GLIS3: variants seen among roughly 807,000 people sequenced by gnomAD.
The protein encoded by GLIS3 is GLIS family zinc finger 3.
A neutral mutation model predicts 78.6 loss-of-function variants in GLIS3; 53 were observed. That is an observed-to-expected ratio of 0.67 (90% CI 0.54 to 0.85). The LOEUF (loss-of-function observed/expected upper bound fraction) is 0.85, where lower values mean the gene tolerates loss of function less well. Among genes scored for constraint, GLIS3 ranks in the 40% least tolerant of loss-of-function variants. The pLI is 0.00. For missense variants in GLIS3, 1,703 were observed against 1,231.1 expected, an observed-to-expected ratio of 1.38 and a Z score of -5.74; for synonymous variants, 684 against 509.9, an observed-to-expected ratio of 1.34 and a Z score of -4.60.
chr9:4,169,120 T>G (rs1016529772), intron 2 of GLIS3, among the ~76,000 whole-genome samples: 7 of 152,206 alleles, frequency 4.6e-5, no homozygotes, highest in Admixed American at 3.9e-4. Flanking sequence ...ACCTAGTTAA[T>G]TGTTGGTCAA....
At chr9:3,938,244 C>A (rs1358834654) in intron 4 of GLIS3, among the ~76,000 whole-genome samples, 1 of 152,000 alleles carries the variant, frequency 6.6e-6, no homozygotes, top group African/African-American at 2.4e-5. Flanking sequence ...ATACGGAACA[C>A]CTACTGGAAA....
chr9:3,900,493 A>C (rs1823212505), intron 6 of GLIS3, among the ~76,000 whole-genome samples: 1 of 151,584 alleles, frequency 6.6e-6, no homozygotes, highest in African/African-American at 2.4e-5. Flanking sequence ...TACCCCCCCC[A>C]AAATATACAC....
At chr9:4,300,084 G>A (rs542729320), upstream of GLIS3, among the ~76,000 whole-genome samples, 23 of 151,524 alleles carry the variant, frequency 1.5e-4, 1 homozygote, top group African/African-American at 5.1e-4. Flanking sequence ...CGCGAGGGCC[G>A]GCCTGTAGCC....
chr9:4,296,866 T>C (rs1816561800), intron 1 of GLIS3, among the ~76,000 whole-genome samples: 1 of 143,266 alleles, frequency 7.0e-6, no homozygotes, highest in African/African-American at 2.6e-5. Flanking sequence ...GCAGTACGGT[T>C]ATAGATGATC....
At chr9:3,972,985 G>T (rs971241989) in intron 4 of GLIS3, among the ~76,000 whole-genome samples, 1 of 152,082 alleles carries the variant, frequency 6.6e-6, no homozygotes, top group African/African-American at 2.4e-5. Context: ...GACACCACCT[G>T]TAAGTCTATG....
At chr9:3,889,916 A>C (rs1822317232) in intron 7 of GLIS3, among the ~76,000 whole-genome samples, 1 of 152,232 alleles carries the variant, frequency 6.6e-6, no homozygotes, top group African/African-American at 2.4e-5. Context: ...CATGCTAACT[A>C]CTAAGAACCA....
chr9:3,916,351 C>T (rs991969986), intron 6 of GLIS3, among the ~76,000 whole-genome samples: 1 of 152,208 alleles, frequency 6.6e-6, no homozygotes, highest in Admixed American at 6.5e-5. Context: ...AAGCAAATTC[C>T]TTGATTTCTC....
the GLIS3 span, among the ~76,000 whole-genome samples, chr9:4,412,765 C>G: frequency 6.6e-6 from 1 of 152,142 alleles, no homozygotes; most frequent in Non-Finnish European, 1.5e-5. Flanking sequence ...AAGACTGAAC[C>G]TGACTGGTAG....
chr9:4,310,598 G>C (rs1012452560), intron 2 of GLIS3: 2 of 152,246 alleles, frequency 1.3e-5, no homozygotes, highest in African/African-American at 4.8e-5. Flanking sequence ...TGCCTCCAAA[G>C]CTAAACTATA....
chr9:4,061,485 G>C (rs759221010), intron 4 of GLIS3, among the ~76,000 whole-genome samples: 1 of 151,924 alleles, frequency 6.6e-6, no homozygotes, highest in African/African-American at 2.4e-5. Flanking sequence ...TGGATCAACT[G>C]TTAACATTAC....
At chr9:4,444,524 T>C in the GLIS3 span, among the ~76,000 whole-genome samples, 1 of 149,932 alleles carries the variant, frequency 6.7e-6, no homozygotes, top group Non-Finnish European at 1.5e-5. Flanking sequence ...AATTCTTTTG[T>C]ATTCCAACAA....
intron 2 of GLIS3, among the ~76,000 whole-genome samples, chr9:4,334,885 G>C (rs941054745): frequency 3.4e-5 from 5 of 145,728 alleles, no homozygotes; most frequent in Non-Finnish European, 6.0e-5. Flanking sequence ...GCAGCTCTCA[G>C]AAGAGAAATC....
chr9:4,242,999 A>G (rs1430046065), intron 2 of GLIS3, among the ~76,000 whole-genome samples: 1 of 151,944 alleles, frequency 6.6e-6, no homozygotes, highest in East Asian at 1.9e-4. Context: ...TCTGCCTTGT[A>G]TGTACATCAA....
At chr9:4,077,231 G>A (rs907893385) in intron 4 of GLIS3, among the ~76,000 whole-genome samples, 8 of 152,022 alleles carry the variant, frequency 5.3e-5, no homozygotes, top group Non-Finnish European at 2.9e-5. Context: ...TAATTTCTAG[G>A]CAGACAAAAA....
chr9:4,156,158 C>G (rs1341137113), intron 2 of GLIS3, among the ~76,000 whole-genome samples: 6 of 152,140 alleles, frequency 3.9e-5, no homozygotes, highest in Admixed American at 1.3e-4. Context: ...TACCCTTGAG[C>G]AGCCCTGAAG....
intron 1 of GLIS3, among the ~76,000 whole-genome samples, chr9:4,290,045 C>CTA: frequency 6.6e-6 from 1 of 152,188 alleles, no homozygotes; most frequent in Admixed American, 6.5e-5. Context: ...ATTAAACAAA[C>CTA]GAAAAGCAAT....
chr9:4,235,212 T>C (rs776830764), intron 2 of GLIS3, among the ~76,000 whole-genome samples: 1 of 150,486 alleles, frequency 6.6e-6, no homozygotes, highest in African/African-American at 2.4e-5. Context: ...GGCAGGAGAA[T>C]CGCTTGAACC....
intron 2 of GLIS3, among the ~76,000 whole-genome samples, chr9:4,172,288 C>T (rs992387047): frequency 1.3e-5 from 2 of 152,194 alleles, no homozygotes; most frequent in African/African-American, 2.4e-5. Context: ...ATATGTGCAA[C>T]TCCTTACCTA....
chr9:4,476,316 T>A, the GLIS3 span, among the ~76,000 whole-genome samples: 19 of 152,306 alleles, frequency 1.2e-4, no homozygotes, highest in Admixed American at 1.1e-3. Context: ...CTGGGGACCA[T>A]GAGAACCACA....
Sources: gnomAD v4.1 joint callset for allele counts (sites outside exome capture counted in the v4.1 genomes callset) on GRCh38, gnomAD v4.1.1 for gene constraint, MANE v1.5 for transcripts, NCBI Gene and HGNC (gene_info 2026-07-23, HGNC 2026-07-21) for gene names.